ITGA9: variants seen among roughly 807,000 people sequenced by gnomAD.
ITGA9 encodes integrin subunit alpha 9, also known as integrin alpha-9.
In ITGA9, 56 loss-of-function variants were observed where a neutral mutation model predicts 127.8. The ratio of observed to expected loss-of-function variants is 0.44; its 90% confidence interval spans 0.35 to 0.55. The LOEUF (loss-of-function observed/expected upper bound fraction) is 0.55, where lower values mean the gene tolerates loss of function less well. Ranked by LOEUF, ITGA9 falls within the 20% of genes least tolerant of loss-of-function variation. The pLI is 0.00. For missense variants in ITGA9, 1,196 were observed against 1,347.1 expected (o/e 0.89, Z 1.76); for synonymous variants, 508 against 514.5 (o/e 0.99, Z 0.17).
chr3:37,781,864 CTG>C (rs1416292704), intron 25 of ITGA9, among the ~76,000 whole-genome samples: 1 of 152,236 alleles, frequency 6.6e-6, no homozygotes, highest in Non-Finnish European at 1.5e-5. Context: ...CATTTTCAAT[CTG>C]TAGCCGTTAC....
chr3:37,756,103 G>C (rs186690899), intron 23 of ITGA9, among the ~76,000 whole-genome samples: 170 of 151,042 alleles, frequency 1.1e-3, no homozygotes, highest in Non-Finnish European at 2.2e-3. Context: ...AAAAATCCAA[G>C]TACCAAATAA....
At chr3:37,725,857 A>T (rs59128361) in intron 18 of ITGA9, among the ~76,000 whole-genome samples, 4,868 of 152,330 alleles carry the variant, frequency 0.032, 97 homozygotes, top group Non-Finnish European at 0.048. Flanking sequence ...TTGCCTGACA[A>T]CACATTGCTG....
chr3:37,719,903 A>T (rs541948443), intron 18 of ITGA9, among the ~76,000 whole-genome samples: 14 of 152,324 alleles, frequency 9.2e-5, no homozygotes, highest in Non-Finnish European at 1.6e-4. Context: ...ATACTCACAC[A>T]GGAAATATCT....
intron 10 of ITGA9, among the ~76,000 whole-genome samples, chr3:37,518,074 T>A (rs1421233193): frequency 9.9e-6 from 1 of 101,174 alleles, no homozygotes; most frequent in African/African-American, 3.1e-5. Context: ...GCAGCTAGAT[T>A]GACTTTTGAG....
chr3:37,789,004 A>G (rs1185750017), intron 26 of ITGA9, among the ~76,000 whole-genome samples: 1 of 152,188 alleles, frequency 6.6e-6, no homozygotes, highest in Non-Finnish European at 1.5e-5. Context: ...CTTAAAACCA[A>G]TTCAAAATAA....
intron 17 of ITGA9, among the ~76,000 whole-genome samples, chr3:37,655,333 T>C (rs1700467140): frequency 6.6e-6 from 1 of 152,238 alleles, no homozygotes; most frequent in East Asian, 1.9e-4. Context: ...CATTCTTATT[T>C]CTCCACATCC....
In ITGA9 at chr3:37,822,949, A is replaced by G. The variant is rs904333425; in HGVS notation, c.*3960A>G. On this transcript the variant is annotated 3_prime_UTR_variant, in exon 28 of 28. Transcript: ENST00000264741. ...GAGCCTTTAGTAGACAAAAGGCAGA[A>G]AGTGAGCATCATTTCAGAAATGCTT... is the stretch of plus-strand genomic sequence containing the variant. 2 of 152,244 alleles carry G rather than the reference A, an allele frequency of 1.3e-5. No homozygotes were observed. Among genetic ancestry groups the G allele is most frequent in the Non-Finnish European group, 2.9e-5 (2 of 68,046 alleles). The allele number at this position is 152,244 out of a possible 1,614,324, so 9.4% of individuals were successfully genotyped here. A position where few individuals can be genotyped will look rare whatever the true frequency, so the allele number is the denominator to read the frequency against.
At chr3:37,683,097 G>T (rs548503247) in intron 17 of ITGA9, among the ~76,000 whole-genome samples, 1 of 152,312 alleles carries the variant, frequency 6.6e-6, no homozygotes, top group African/African-American at 2.4e-5. Context: ...GGCCCTGTGG[G>T]ATCTGCTGCC....
intron 16 of ITGA9, among the ~76,000 whole-genome samples, chr3:37,653,319 A>G (rs143794365): frequency 5.9e-5 from 9 of 152,352 alleles, no homozygotes; most frequent in African/African-American, 2.2e-4. Flanking sequence ...ATAGGGGGAA[A>G]TGACCAAACT....
intron 18 of ITGA9, among the ~76,000 whole-genome samples, chr3:37,691,986 T>C (rs1361188111): frequency 6.6e-6 from 1 of 152,180 alleles, no homozygotes; most frequent in Non-Finnish European, 1.5e-5. Flanking sequence ...CAGTGTGAAA[T>C]AGAGGGAAAG....
At chr3:37,453,175 A>G (rs1458319884) in intron 1 of ITGA9, among the ~76,000 whole-genome samples, 1 of 148,814 alleles carries the variant, frequency 6.7e-6, no homozygotes, top group Non-Finnish European at 1.5e-5. Flanking sequence ...AGAAGCTCCT[A>G]GGATATAGGG....
intron 23 of ITGA9, among the ~76,000 whole-genome samples, chr3:37,768,012 A>T (rs1696799522): frequency 6.6e-6 from 1 of 152,186 alleles, no homozygotes; most frequent in Non-Finnish European, 1.5e-5. Context: ...AAATGAACAG[A>T]GCCTGTGAGC....
At chr3:37,771,348 T>C (rs1216044643) in intron 23 of ITGA9, among the ~76,000 whole-genome samples, 1 of 152,168 alleles carries the variant, frequency 6.6e-6, no homozygotes, top group Non-Finnish European at 1.5e-5. Flanking sequence ...AGTAATTGTT[T>C]ATCTGTGTGA....
At chr3:37,624,333 A>G (rs1397468664) in intron 15 of ITGA9, among the ~76,000 whole-genome samples, 1 of 150,178 alleles carries the variant, frequency 6.7e-6, no homozygotes, top group East Asian at 2.0e-4. Flanking sequence ...GTGGGAATCA[A>G]GTCACTCAGA....
At chr3:37,658,033 T>G (rs190207262) in intron 17 of ITGA9, among the ~76,000 whole-genome samples, 1 of 152,352 alleles carries the variant, frequency 6.6e-6, no homozygotes, top group African/African-American at 2.4e-5. Flanking sequence ...TGAGTTCTAA[T>G]TTGATTTCAC....
chr3:37,453,421 G>T (rs1312204918), intron 1 of ITGA9, among the ~76,000 whole-genome samples: 1 of 152,218 alleles, frequency 6.6e-6, no homozygotes, highest in African/African-American at 2.4e-5. Flanking sequence ...AAGCCGAGTG[G>T]TACAGAGCTT....
intron 7 of ITGA9, among the ~76,000 whole-genome samples, chr3:37,506,864 C>T (rs1022739538): frequency 6.6e-6 from 1 of 152,128 alleles, no homozygotes; most frequent in Non-Finnish European, 1.5e-5. Context: ...TAGGGGTAGA[C>T]CTGTGATAGA....
intron 22 of ITGA9, chr3:37,748,577 G>A (rs1003812687): frequency 4.4e-5 from 20 of 457,860 alleles, no homozygotes; most frequent in African/African-American, 1.0e-4. Context: ...GTGAAATCCC[G>A]TCTCTACTAA....
chr3:37,664,971 CTTTTTTT>C (rs34608197), intron 17 of ITGA9, among the ~76,000 whole-genome samples: 1 of 122,550 alleles, frequency 8.2e-6, no homozygotes, highest in Admixed American at 8.3e-5. Flanking sequence ...GAGTAGCTGG[CTTTTTTT>C]TTTTTTTTTT....
Sources: allele counts gnomAD v4.1 joint callset (sites outside exome capture counted in the v4.1 genomes callset), GRCh38; gene constraint gnomAD v4.1.1; transcripts MANE v1.5; gene names NCBI Gene and HGNC (gene_info 2026-07-23, HGNC 2026-07-21).